Variants in EGLN2 observed in about 807,000 individuals in gnomAD.
EGLN2 encodes prolyl hydroxylase EGLN2.
EGLN2 carries 15 observed loss-of-function variants against 38.2 expected under a neutral mutation model. That is an observed-to-expected ratio of 0.39 (90% CI 0.26 to 0.60). EGLN2 has a LOEUF of 0.60. Ranked by LOEUF, EGLN2 falls within the 20% of genes least tolerant of loss-of-function variation. The pLI is 0.50. For synonymous variants in EGLN2, 284 were observed against 237.4 expected (o/e 1.20, Z -1.81); for missense variants, 492 against 570.4 (o/e 0.86, Z 1.40).
rs146754458 is a variant in EGLN2, at chr19:40,801,139, C to T, written c.567C>T (p.Tyr189=). 6.4e-5 allele frequency: 103 copies of T among 1,612,732 alleles called. No homozygotes were observed. Among genetic ancestry groups the T allele is most frequent in the Non-Finnish European group, 7.8e-5 (92 of 1,179,928 alleles). The part of the protein sequence containing the change: ...LDYIVPCMRY[Y]GICVKDSFLG... ...ATATCGTGCCCTGCATGCGGTACTA[C>T]GGCATCTGCGTCAAGGACAGCTTCC... The change falls in exon 2 of 6, where the codon TAC becomes TAT. Residue 189 remains tyrosine (Y), a synonymous_variant. Coordinates refer to ENST00000303961, the MANE Select transcript of EGLN2 (RefSeq NM_080732.4).
Position 40,800,613 on chromosome 19 carries a change from TCC to T in EGLN2, c.43_44del (p.Pro15SerfsTer13). 1 of 1,612,832 alleles carries T rather than the reference TCC, an allele frequency of 6.2e-7. No individual in the cohort carries two copies. Among genetic ancestry groups the T allele is most frequent in the Non-Finnish European group, 8.5e-7 (1 of 1,179,552 alleles). On this transcript the variant is annotated frameshift_variant, in exon 2 of 6. Transcript: ENST00000303961. LOFTEE classifies it high-confidence loss of function. ...CAGCCGCAGCCCCTAAGTCAGGCTC[TCC>T]CTCAGTTACCAGGGTCTTCGTCAGA...
At position 40,808,118 on chromosome 19, in the gene EGLN2, C is replaced by T; in HGVS notation, c.*254C>T. 3.4e-6 allele frequency: 2 copies of T among 587,958 alleles called. No individual in the cohort carries two copies. The highest frequency in any genetic ancestry group is 6.1e-6 in the Non-Finnish European group (2 of 329,592). 36.4% of individuals were successfully genotyped at this position (587,958 alleles called of 1,614,324 possible). The stretch of plus-strand genomic sequence containing the variant: ...ACCGTTACCAACTGAAGCTGGGGGC[C>T]TGGGTCCTACCCTGTCTGGTCATGA... On this transcript the variant is annotated 3_prime_UTR_variant, in exon 6 of 6. Transcript: ENST00000303961.
At chr19:40,806,150 C>T (rs1258327847) in intron 2 of EGLN2, 1 of 182,584 alleles carries the variant, frequency 5.5e-6, no homozygotes, top group East Asian at 1.4e-4. Context: ...ACTCCACAGC[C>T]AAGGGTAAGA....
chr19:40,800,530 C>T lies in EGLN2; in HGVS notation c.-43C>T, dbSNP rs181874226. ...GCGGAGGAGGGTGGCACCATGGGCC[C>T]GGGCGGTGCCCTCCATGCCCGGGGG... On this transcript the variant is annotated 5_prime_UTR_variant, in exon 2 of 6. Coordinates refer to ENST00000303961, the MANE Select transcript of EGLN2 (RefSeq NM_080732.4). The T allele has an allele frequency of 1.6e-4, 239 of 1,523,232 alleles. No individual in the cohort carries two copies. In the African/African-American group the frequency reaches 2.7e-3, roughly 17 times the overall value. 94.4% of individuals were successfully genotyped at this position (1,523,232 alleles called of 1,614,324 possible). A position where few individuals can be genotyped will look rare whatever the true frequency, so the allele number is the denominator to read the frequency against.
In EGLN2 at chr19:40,807,690, C is replaced by T. The variant is rs1343325607; in HGVS notation, c.1169-119C>T. 3.6e-6 allele frequency: 5 copies of T among 1,407,664 alleles called. No individual in the cohort carries two copies. In the Admixed American group the frequency reaches 7.4e-5, roughly 21 times the overall value. The allele number at this position is 1,407,664 out of a possible 1,614,324, so 87.2% of individuals were successfully genotyped here. ...CTCTGCCCACCTTCCTTAGCCCACT[C>T]TCCTGGTACCCCAACAGGAGCCCCA... On this transcript the variant is annotated intron_variant, in intron 5 of 5. Transcript: ENST00000303961.
In EGLN2 at chr19:40,807,203, C is replaced by A; in HGVS notation, c.1029C>A (p.Leu343=). 1 of 1,614,206 alleles carries A rather than the reference C, an allele frequency of 6.2e-7. No individual in the cohort carries two copies. Among genetic ancestry groups the A allele is most frequent in the East Asian group, 2.2e-5 (1 of 44,886 alleles). Residue 343 remains leucine, a synonymous_variant, in exon 4 of 6, where the codon CTC becomes CTA. Transcript: ENST00000303961. ...CCGTGGTAGCCAACATCGAGCCACT[C>A]TTTGACCGGTTGCTCATTTTCTGGT... ...GRPVVANIEP[L]FDRLLIFWSD...
In EGLN2 at chr19:40,800,760, C is replaced by T. The variant is rs926734008; in HGVS notation, c.188C>T (p.Thr63Ile). 1 of 1,613,418 alleles carries T rather than the reference C, an allele frequency of 6.2e-7. No homozygotes were observed. The highest frequency in any genetic ancestry group is 8.5e-7 in the Non-Finnish European group (1 of 1,179,660). ...AGTGAGGCCTCGGCAGGGAGTGGGA[C>T]CCCCAGAGCCACAGCCACCTCTACC... ...VPSEASAGSG[T>I]PRATATSTTA... Residue 63 changes from threonine to isoleucine, a missense_variant, in exon 2 of 6, where the codon ACC becomes ATC. By Grantham distance (89) the Thr-to-Ile change is moderately conservative. This residue lies in a region of EGLN2 where 378 missense variants were observed against 386.2 expected (regional missense o/e 0.98). Coordinates refer to ENST00000303961, the MANE Select transcript of EGLN2 (RefSeq NM_080732.4).
chr19:40,803,377 G>C (rs2145086133), intron 2 of EGLN2: 2 of 152,276 alleles, frequency 1.3e-5, no homozygotes, highest in Middle Eastern at 3.4e-3. Flanking sequence ...TTTAGCCCTA[G>C]GTGACCTTGA....
In EGLN2 at chr19:40,800,503, A is replaced by C. The variant is rs546674803; in HGVS notation, c.-70A>C. 1.2e-5 allele frequency: 17 copies of C among 1,476,752 alleles called. No homozygotes were observed. Among genetic ancestry groups the C allele is most frequent in the South Asian group, 6.7e-5 (5 of 74,614 alleles). The allele number at this position is 1,476,752 out of a possible 1,614,324, so 91.5% of individuals were successfully genotyped here. The stretch of plus-strand genomic sequence containing the variant: ...CTGCATCAAGTGGAGGCGGAGGAGG[A>C]GGCGGAGGAGGGTGGCACCATGGGC... On this transcript the variant is annotated 5_prime_UTR_variant, in exon 2 of 6. Transcript: ENST00000303961.
intron 2 of EGLN2, chr19:40,805,676 T>C (rs1232604651): frequency 6.6e-6 from 1 of 152,232 alleles, no homozygotes; most frequent in Non-Finnish European, 1.5e-5. Flanking sequence ...GGCCACAGCA[T>C]TGTAGGGCTG....
chr19:40,808,148 A>G lies in EGLN2; in HGVS notation c.*284A>G. 1.9e-6 allele frequency: 1 copy of G among 535,964 alleles called. No individual in the cohort carries two copies. Among genetic ancestry groups the G allele is most frequent in the Non-Finnish European group, 3.3e-6 (1 of 301,018 alleles). The allele number at this position is 535,964 out of a possible 1,614,324, so 33.2% of individuals were successfully genotyped here. ...TCCTACCCTGTCTGGTCATGACCCC[A>G]TTAGGTATGGAGAGCTGGGAGGAGG... is the stretch of plus-strand genomic sequence containing the variant. On this transcript the variant is annotated 3_prime_UTR_variant, in exon 6 of 6. Transcript: ENST00000303961.
rs995328439 is a variant in EGLN2, at chr19:40,808,067, C to T, written c.*203C>T. 1.5e-5 allele frequency: 9 copies of T among 619,790 alleles called. No individual in the cohort carries two copies. In the East Asian group the frequency reaches 2.2e-4, roughly 15 times the overall value. 38.4% of individuals were successfully genotyped at this position (619,790 alleles called of 1,614,324 possible). A position where few individuals can be genotyped will look rare whatever the true frequency, so the allele number is the denominator to read the frequency against. On this transcript the variant is annotated 3_prime_UTR_variant, in exon 6 of 6. Coordinates refer to ENST00000303961, the MANE Select transcript of EGLN2 (RefSeq NM_080732.4). Reference sequence around the variant, plus strand: ...CCATCATGGGGGCTGGGGTTGTCACCTGGACAGGGGGCAGCCGTGGAGGCC... The same window carrying T: ...CCATCATGGGGGCTGGGGTTGTCACTTGGACAGGGGGCAGCCGTGGAGGCC...
intron 2 of EGLN2, among the ~76,000 whole-genome samples, chr19:40,802,417 A>ACTTCCTCCCTACCCATGTCTGTCT (rs1242179001): frequency 6.6e-6 from 1 of 151,984 alleles, no homozygotes; most frequent in Non-Finnish European, 1.5e-5. Context: ...CCTGTGTGTC[A>ACTTCCTCCCTACCCATGTCTGTCT]CTTCCTCCCT....
chr19:40,806,543 C>T lies in EGLN2; in HGVS notation c.844-12C>T, dbSNP rs761930678. The T allele has an allele frequency of 1.9e-6, 3 of 1,614,044 alleles. No homozygotes were observed. The highest frequency in any genetic ancestry group is 1.7e-6 in the Non-Finnish European group (2 of 1,179,942). ...TAGCCCCAGTAAACCTACCTCCCTCCATCCCTGCCAGGCCATGGTGGCGTG... is the reference window on the plus strand; with the variant it reads ...TAGCCCCAGTAAACCTACCTCCCTCTATCCCTGCCAGGCCATGGTGGCGTG... On this transcript the variant is annotated splice_polypyrimidine_tract_variant and intron_variant, in intron 2 of 5. Transcript: ENST00000303961.
rs1482974505 is a variant in EGLN2 at position 40,800,692 on chromosome 19, G to A, written c.120G>A (p.Leu40=). 4 of 1,613,922 alleles carry A rather than the reference G, an allele frequency of 2.5e-6. No homozygotes were observed. The highest frequency in any genetic ancestry group is 2.5e-6 in the Non-Finnish European group (3 of 1,180,014). ...CCAGGATGGGAGTGGAGAGTTACCT[G>A]CCCTGTCCCCTGCTCCCCTCCTACC... The part of the protein sequence containing the change: ...GRARMGVESY[L]PCPLLPSYHC... The change falls in exon 2 of 6, where the codon CTG becomes CTA. Residue 40 remains leucine (L), a synonymous_variant. Transcript: ENST00000303961.
chr19:40,803,184 C>T (rs1342421492), intron 2 of EGLN2: 1 of 152,328 alleles, frequency 6.6e-6, no homozygotes, highest in African/African-American at 2.4e-5. Flanking sequence ...GGACACTGCT[C>T]TGAGCCTCAA....
chr19:40,800,300 A>G (rs1298146148), intron 1 of EGLN2, 39 bp from the exon 2 acceptor site: 1 of 395,594 alleles, frequency 2.5e-6, no homozygotes, highest in Non-Finnish European at 4.5e-6. Context: ...GCCTGTCTCT[A>G]GTTTCTCTCA....
rs76959273 is a variant in EGLN2, at chr19:40,802,849, C to T, written c.843+1434C>T. On this transcript the variant is annotated intron_variant, in intron 2 of 5. Transcript: ENST00000303961. ...CACGGGCAGTGTTGTGCCCTGCAGGCGTGAGGCTGAGCTCCTGATGTCCTC... is the reference window on the plus strand; with the variant it reads ...CACGGGCAGTGTTGTGCCCTGCAGGTGTGAGGCTGAGCTCCTGATGTCCTC... Among the ~76,000 whole-genome samples the T allele has an allele frequency of 7.2e-5, 11 of 152,376 alleles. No individual in the cohort carries two copies. The East Asian group carries it at 1.9e-3, about 27-fold the overall frequency.
At chr19:40,802,672 GGTCC>G (rs1390624670) in intron 2 of EGLN2, among the ~76,000 whole-genome samples, 1 of 152,210 alleles carries the variant, frequency 6.6e-6, no homozygotes, top group African/African-American at 2.4e-5. Context: ...ACAGGACAGT[GGTCC>G]ATAGGGCCTT....
Sources: allele counts gnomAD v4.1 joint callset (sites outside exome capture counted in the v4.1 genomes callset), GRCh38; gene constraint gnomAD v4.1.1; regional missense constraint gnomAD v4.1.1; transcripts MANE v1.5; gene names NCBI Gene and HGNC (gene_info 2026-07-23, HGNC 2026-07-21).